The following JADE1 variants were observed in gnomAD, a reference collection of about 807,000 sequenced individuals.
JADE1 encodes jade family PHD finger 1, also known as protein Jade-1.
A neutral mutation model predicts 81.8 loss-of-function variants in JADE1; 14 were observed. The ratio of observed to expected loss-of-function variants is 0.17; its 90% CI spans 0.11 to 0.27. JADE1 has a LOEUF of 0.27. JADE1 is among the 10% of genes least tolerant of loss of function. JADE1 has a pLI of 1.00. For missense variants in JADE1, 690 were observed against 1,047.9 expected (o/e 0.66, Z 4.71); for synonymous variants, 353 against 391.9 (o/e 0.90, Z 1.17).
chr4:128,823,232 GT>G, intron 1 of JADE1, among the ~76,000 whole-genome samples: 1 of 152,276 alleles, frequency 6.6e-6, no homozygotes, highest in Non-Finnish European at 1.5e-5. Context: ...CCTGGAAGGG[GT>G]TTAATAGATT....
In JADE1 at chr4:128,859,592, T is replaced by A. The variant is rs118089597; in HGVS notation, c.982-2112T>A. The stretch of plus-strand genomic sequence containing the variant: ...GTATGCGTGTATGTGTGAGTGTGCA[T>A]GTGTATGAGTGTGTAAGTATGTGTA... On this transcript the variant is annotated intron_variant, in intron 8 of 10. Coordinates refer to ENST00000226319, the MANE Select transcript of JADE1 (RefSeq NM_199320.4). Among the ~76,000 whole-genome samples the A allele has an allele frequency of 7.8e-4, 118 of 152,242 alleles. 5 individuals carry two copies. The East Asian group carries it at 0.023, about 29-fold the overall frequency.
Position 128,854,898 on chromosome 4 carries a change from A to C in JADE1, c.697-732A>C, listed in dbSNP as rs148712727. 3.6e-3 allele frequency among the ~76,000 whole-genome samples: 551 copies of C among 152,338 alleles called. 3 individuals are homozygous for C. Among genetic ancestry groups the C allele is most frequent in the Non-Finnish European group, 6.5e-3 (445 of 68,038 alleles). On this transcript the variant is annotated intron_variant, in intron 6 of 10. Coordinates refer to ENST00000226319, the MANE Select transcript of JADE1 (RefSeq NM_199320.4). The stretch of plus-strand genomic sequence containing the variant: ...CTTGTTTAATTTTGCCATCTTGTAC[A>C]AAACAGGCTTTGTTTTATTTTTTAA...
At chr4:128,813,248 G>GTCAAC (rs1026909752) in intron 1 of JADE1, among the ~76,000 whole-genome samples, 5 of 152,290 alleles carry the variant, frequency 3.3e-5, no homozygotes, top group Middle Eastern at 3.4e-3. Context: ...CTTGCATTGA[G>GTCAAC]TCAACACTTT....
At position 128,873,256 on chromosome 4, in the gene JADE1, GAAAAAAAA is replaced by G. The variant is rs1296724284; in HGVS notation, c.*1003_*1010del. The G allele has an allele frequency of 3.5e-5, 1 of 28,694 alleles. No individual in the cohort carries two copies. Among genetic ancestry groups the G allele is most frequent in the African/African-American group, 1.2e-4 (1 of 8,438 alleles). 1.8% of individuals were successfully genotyped at this position (28,694 alleles called of 1,614,324 possible). A position where few individuals can be genotyped will look rare whatever the true frequency, so the allele number is the denominator to read the frequency against. ...CATGAATGGATTCCTTAAGAAAAAG[GAAAAAAAA>G]AAAAAAAAGAAAAAAAGAAAAAAAA... is the stretch of plus-strand genomic sequence containing the variant. On this transcript the variant is annotated 3_prime_UTR_variant, in exon 11 of 11. Transcript: ENST00000226319.
chr4:128,848,570 T>A (rs1158708831), intron 4 of JADE1, among the ~76,000 whole-genome samples: 1 of 152,164 alleles, frequency 6.6e-6, no homozygotes, highest in East Asian at 1.9e-4. Flanking sequence ...CAGAGTCTGC[T>A]GCGCCTGCCC....
chr4:128,842,812 A>G (rs772471416), intron 2 of JADE1, 141 bp from the exon 3 acceptor site: 3 of 686,148 alleles, frequency 4.4e-6, no homozygotes, highest in Non-Finnish European at 7.9e-6. Flanking sequence ...GAGCTCTGTG[A>G]GAGCCAGGAG....
intron 1 of JADE1, among the ~76,000 whole-genome samples, chr4:128,822,529 T>C (rs974357544): frequency 2.7e-5 from 4 of 150,262 alleles, no homozygotes; most frequent in Admixed American, 6.6e-5. Flanking sequence ...CTGACCAACA[T>C]GGAGAAACCC....
chr4:128,859,092 C>T lies in JADE1; in HGVS notation c.981+1638C>T, dbSNP rs1731053000. Among the ~76,000 whole-genome samples, 7 of 152,114 alleles carry T rather than the reference C, an allele frequency of 4.6e-5. No individual in the cohort carries two copies. The South Asian group carries it at 1.4e-3, about 32-fold the overall frequency. On this transcript the variant is annotated intron_variant, in intron 8 of 10. Coordinates refer to ENST00000226319, the MANE Select transcript of JADE1 (RefSeq NM_199320.4). ...TGGCATGTGAATACATGACAAACGC[C>T]TCTGGCCCGAGTTGGATTGGGGAAG...
chr4:128,852,324 G>C lies in JADE1; in HGVS notation c.696+56G>C, dbSNP rs368849318. 58 of 1,430,840 alleles carry C rather than the reference G, an allele frequency of 4.1e-5. No homozygotes were observed. In the East Asian group the frequency reaches 6.8e-4, roughly 17 times the overall value. 88.6% of individuals were successfully genotyped at this position (1,430,840 alleles called of 1,614,324 possible). On this transcript the variant is annotated intron_variant, in intron 6 of 10. Transcript: ENST00000226319. ...AACCTGGGGCATGAGCCTGTCTGCT[G>C]TGGGAGTGTATGCCTGGAGTCCAGG...
chr4:128,819,541 A>G (rs1727365996), intron 1 of JADE1, among the ~76,000 whole-genome samples: 1 of 152,238 alleles, frequency 6.6e-6, no homozygotes, highest in Non-Finnish European at 1.5e-5. Flanking sequence ...ACAGAGGGAG[A>G]TAATGTCAAG....
intron 5 of JADE1, among the ~76,000 whole-genome samples, 198 bp downstream of exon 5, chr4:128,849,365 G>A (rs968406245): frequency 2.0e-5 from 3 of 152,138 alleles, no homozygotes; most frequent in African/African-American, 7.2e-5. Flanking sequence ...TTTCAGAGTG[G>A]AAGCAAGGCT....
At chr4:128,845,012 A>C (rs1232242100) in intron 3 of JADE1, among the ~76,000 whole-genome samples, 1 of 152,226 alleles carries the variant, frequency 6.6e-6, no homozygotes, top group African/African-American at 2.4e-5. Flanking sequence ...AAGAGAGTTC[A>C]GCATTGTGAC....
intron 1 of JADE1, among the ~76,000 whole-genome samples, chr4:128,820,238 A>T (rs539819889): frequency 6.6e-6 from 1 of 152,098 alleles, no homozygotes; most frequent in Admixed American, 6.5e-5. Flanking sequence ...CAGCCTCCCA[A>T]GTAGCTGGGA....
intron 2 of JADE1, 105 bp from the exon 3 acceptor site, chr4:128,842,848 A>G: frequency 1.2e-6 from 1 of 867,404 alleles, no homozygotes; most frequent in Non-Finnish European, 1.9e-6. Flanking sequence ...CTCATGGTGC[A>G]GTGCTGAGGT....
intron 2 of JADE1, among the ~76,000 whole-genome samples, chr4:128,841,609 A>G (rs771469082): frequency 1.3e-5 from 2 of 152,218 alleles, no homozygotes; most frequent in African/African-American, 2.4e-5. Context: ...CTGAGTTGAC[A>G]GATCTAAGGA....
chr4:128,860,413 T>C (rs563232088), intron 8 of JADE1, among the ~76,000 whole-genome samples: 1 of 152,344 alleles, frequency 6.6e-6, no homozygotes, highest in East Asian at 1.9e-4. Flanking sequence ...GAGTTTCCTC[T>C]TAAATACTGG....
Position 128,846,680 on chromosome 4 carries a change from A to C in JADE1, c.296+148A>C. The C allele has an allele frequency of 4.9e-6, 4 of 815,182 alleles. No homozygotes were observed. Among genetic ancestry groups the C allele is most frequent in the Non-Finnish European group, 7.5e-6 (4 of 532,638 alleles). The allele number at this position is 815,182 out of a possible 1,614,324, so 50.5% of individuals were successfully genotyped here. A position where few individuals can be genotyped will look rare whatever the true frequency, so the allele number is the denominator to read the frequency against. Reference sequence around the variant, plus strand: ...CATGAGGCCTCAAGTGGAAATAGAAATTCAGGAGCAACATACTTCAGGCAT... The same window carrying C: ...CATGAGGCCTCAAGTGGAAATAGAACTTCAGGAGCAACATACTTCAGGCAT... On this transcript the variant is annotated intron_variant, in intron 4 of 10. Transcript: ENST00000226319. The surrounding 1 kb of genome is among the most constrained non-coding windows in gnomAD (Gnocchi z 4.0).
intron 6 of JADE1, among the ~76,000 whole-genome samples, chr4:128,853,624 G>A (rs1730553040): frequency 1.3e-5 from 2 of 152,236 alleles, no homozygotes; most frequent in Admixed American, 1.3e-4. Context: ...ATGTGCCCAC[G>A]TATATTCTTA....
At chr4:128,811,819 C>G (rs1220210064) in intron 1 of JADE1, 3 of 151,912 alleles carry the variant, frequency 2.0e-5, no homozygotes, top group Non-Finnish European at 4.4e-5. Flanking sequence ...GCCTTCCTCG[C>G]CGGATGGCTT....
Sources: allele counts gnomAD v4.1 joint callset (sites outside exome capture counted in the v4.1 genomes callset), GRCh38; gene constraint gnomAD v4.1.1; non-coding constraint Gnocchi (gnomAD v3.1); transcripts MANE v1.5; gene names NCBI Gene and HGNC (gene_info 2026-07-23, HGNC 2026-07-21).